Variants in RASEF observed in about 807,000 individuals in gnomAD.
The protein encoded by RASEF is ras and EF-hand domain-containing protein.
RASEF carries 68 observed loss-of-function variants against 90.1 expected under a neutral mutation model. That is an observed-to-expected ratio of 0.75 (90% CI 0.62 to 0.92). RASEF has a LOEUF of 0.92. Among genes scored for constraint, RASEF ranks in the 40% least tolerant of loss-of-function variants. RASEF has a pLI of 0.00. For synonymous variants in RASEF, 331 were observed against 345.2 expected (o/e 0.96, Z 0.46); for missense variants, 949 against 937.2 (o/e 1.01, Z -0.16).
chr9:83,062,821 A>C lies in RASEF; in HGVS notation c.47T>G (p.Val16Gly), dbSNP rs921468631. 3 of 1,553,308 alleles carry C rather than the reference A, an allele frequency of 1.9e-6. No homozygotes were observed. Among genetic ancestry groups the C allele is most frequent in the Non-Finnish European group, 1.7e-6 (2 of 1,160,570 alleles). The change falls in exon 1 of 17, where the codon GTC becomes GGC. Residue 16 changes from valine to glycine, a missense_variant. Around this residue, in one of 3 missense-constraint regions of RASEF, gnomAD observed 656 missense variants for 592.2 expected, o/e 1.11. Coordinates refer to ENST00000376447, the MANE Select transcript of RASEF (RefSeq NM_152573.4). The part of the protein sequence containing the change: ...DGEELARLRS[V>G]FAACDANRSG... ...GCGGTTCGCGTCGCAGGCGGCGAAG[A>C]CTGAGCGCAGCCGGGCCAGCTCCTC...
the RASEF span, among the ~76,000 whole-genome samples, chr9:83,099,580 C>T: frequency 1.1e-4 from 17 of 152,290 alleles, no homozygotes; most frequent in Admixed American, 7.8e-4. Flanking sequence ...ATATAGCAAG[C>T]CCTTACTCAG....
At chr9:83,121,758 G>C in the RASEF span, among the ~76,000 whole-genome samples, 1 of 152,108 alleles carries the variant, frequency 6.6e-6, no homozygotes, top group Non-Finnish European at 1.5e-5. Flanking sequence ...GACTCTATTA[G>C]AGCCAAACAT....
At chr9:83,038,569 T>TTAAA (rs1479711975) in intron 1 of RASEF, among the ~76,000 whole-genome samples, 2 of 152,172 alleles carry the variant, frequency 1.3e-5, no homozygotes, top group Non-Finnish European at 2.9e-5. Flanking sequence ...AGAATTAACA[T>TTAAA]TAAAATACGT....
At chr9:82,994,991 C>T (rs1198884353) in intron 14 of RASEF, among the ~76,000 whole-genome samples, 3 of 152,094 alleles carry the variant, frequency 2.0e-5, no homozygotes, top group Non-Finnish European at 4.4e-5. Flanking sequence ...AAACAGTAAG[C>T]CATGGAGAAA....
intron 1 of RASEF, among the ~76,000 whole-genome samples, chr9:83,040,579 G>A (rs915591163): frequency 5.9e-5 from 9 of 152,124 alleles, no homozygotes; most frequent in South Asian, 4.1e-4. Context: ...TTTCTCTTTC[G>A]AAATCAGTAC....
chr9:83,199,441 A>G, the RASEF span, among the ~76,000 whole-genome samples: 1 of 152,214 alleles, frequency 6.6e-6, no homozygotes, highest in Non-Finnish European at 1.5e-5. Flanking sequence ...TTGAGACAGC[A>G]TCATCCACTA....
chr9:83,210,283 C>T, the RASEF span, among the ~76,000 whole-genome samples: 4 of 152,212 alleles, frequency 2.6e-5, no homozygotes, highest in Non-Finnish European at 5.9e-5. Context: ...CCTTCATGCA[C>T]TTCAACTAGA....
the RASEF span, among the ~76,000 whole-genome samples, chr9:83,116,910 T>C: frequency 6.6e-6 from 1 of 152,234 alleles, no homozygotes; most frequent in East Asian, 1.9e-4. Context: ...TTCGTTCATC[T>C]AGCAGAATAT....
At chr9:83,155,577 A>C in the RASEF span, among the ~76,000 whole-genome samples, 3 of 152,180 alleles carry the variant, frequency 2.0e-5, no homozygotes. Context: ...ACACATGGGA[A>C]TTATGAGAGC....
At chr9:83,178,441 A>C in the RASEF span, among the ~76,000 whole-genome samples, 1 of 152,122 alleles carries the variant, frequency 6.6e-6, no homozygotes, top group Admixed American at 6.5e-5. Flanking sequence ...ACTCTTAAGT[A>C]CTGGTGCACT....
At chr9:83,031,638 G>A (rs1047075347) in intron 1 of RASEF, among the ~76,000 whole-genome samples, 5 of 152,110 alleles carry the variant, frequency 3.3e-5, no homozygotes, top group Middle Eastern at 3.2e-3. Flanking sequence ...GGGGTCTTAA[G>A]TACATACCTC....
chr9:83,076,104 G>A, the RASEF span, among the ~76,000 whole-genome samples: 2 of 151,078 alleles, frequency 1.3e-5, no homozygotes, highest in Admixed American at 1.3e-4. Context: ...GGAGTCGAAA[G>A]TTGCAGTGAG....
the RASEF span, among the ~76,000 whole-genome samples, chr9:83,208,695 G>T: frequency 2.0e-5 from 3 of 152,100 alleles, no homozygotes; most frequent in African/African-American, 7.2e-5. Flanking sequence ...CCACAAGACC[G>T]ATAGCCAGGA....
upstream of RASEF, among the ~76,000 whole-genome samples, chr9:83,065,587 A>C (rs1830276383): frequency 6.6e-6 from 1 of 151,970 alleles, no homozygotes; most frequent in Non-Finnish European, 1.5e-5. Context: ...AAGGGACTAC[A>C]AAAAAAACAG....
the RASEF span, among the ~76,000 whole-genome samples, chr9:83,083,065 C>A: frequency 6.6e-6 from 1 of 152,144 alleles, no homozygotes; most frequent in African/African-American, 2.4e-5. Context: ...CATTCAGATC[C>A]ATTTCTGCAT....
the RASEF span, among the ~76,000 whole-genome samples, chr9:83,192,066 C>T: frequency 5.3e-5 from 8 of 152,028 alleles, no homozygotes; most frequent in South Asian, 1.0e-3. Flanking sequence ...CAGATGCTGG[C>T]GAGATTGTGG....
At chr9:83,215,057 A>T in the RASEF span, among the ~76,000 whole-genome samples, 1 of 151,578 alleles carries the variant, frequency 6.6e-6, no homozygotes, top group African/African-American at 2.4e-5. Context: ...ATGATGTGGC[A>T]GAGAAAGAGA....
chr9:83,039,614 AAC>A (rs1018700514), intron 1 of RASEF, among the ~76,000 whole-genome samples: 3 of 152,192 alleles, frequency 2.0e-5, no homozygotes, highest in African/African-American at 4.8e-5. Context: ...TCTCCTGCTG[AAC>A]ACAGTGAGAA....
At chr9:83,064,205 C>A (rs568433303), upstream of RASEF, among the ~76,000 whole-genome samples, 33 of 152,292 alleles carry the variant, frequency 2.2e-4, no homozygotes, top group South Asian at 6.8e-3. Context: ...GGAACTATTT[C>A]CTCTTGAATT....
Sources: gnomAD v4.1 joint callset for allele counts (sites outside exome capture counted in the v4.1 genomes callset) on GRCh38, gnomAD v4.1.1 for gene constraint, gnomAD v4.1.1 regional missense constraint, MANE v1.5 for transcripts, NCBI Gene and HGNC (gene_info 2026-07-23, HGNC 2026-07-21) for gene names.